METAP1: variants seen among roughly 807,000 people sequenced by gnomAD.
METAP1 encodes methionine aminopeptidase 1.
Under a neutral mutation model 53.8 loss-of-function variants are expected in METAP1, and 28 were observed. That is an observed-to-expected ratio of 0.52 (90% confidence interval 0.39 to 0.71). The LOEUF is 0.71. METAP1 is among the 30% of genes least tolerant of loss of function. METAP1 has a pLI of 0.00. For missense variants in METAP1, 389 were observed against 479.8 expected (o/e 0.81, Z 1.77); for synonymous variants, 181 against 165.7 (o/e 1.09, Z -0.71).
intron 1 of METAP1, among the ~76,000 whole-genome samples, chr4:99,006,236 G>A (rs979156122): frequency 6.6e-6 from 1 of 152,138 alleles, no homozygotes; most frequent in Non-Finnish European, 1.5e-5. Flanking sequence ...TAGACAAGAA[G>A]TACTGGAAAA....
intron 1 of METAP1, among the ~76,000 whole-genome samples, chr4:99,014,661 G>A (rs1451042371): frequency 6.6e-6 from 1 of 152,130 alleles, no homozygotes; most frequent in Non-Finnish European, 1.5e-5. Flanking sequence ...TGTGTTGGTG[G>A]TGGGGTGTTT....
At chr4:99,048,378 T>C (rs77461346) in intron 8 of METAP1, among the ~76,000 whole-genome samples, 1 of 152,146 alleles carries the variant, frequency 6.6e-6, no homozygotes, top group African/African-American at 2.4e-5. Flanking sequence ...CTTTTTTTTT[T>C]TCTTTTTCTA....
intron 9 of METAP1, among the ~76,000 whole-genome samples, chr4:99,055,010 A>T (rs182234599): frequency 1.4e-4 from 21 of 152,328 alleles, no homozygotes; most frequent in Admixed American, 7.8e-4. Flanking sequence ...ACACAGAGAC[A>T]TGAAGTGAAC....
At chr4:99,020,418 C>T (rs1242921347) in intron 1 of METAP1, among the ~76,000 whole-genome samples, 1 of 152,154 alleles carries the variant, frequency 6.6e-6, no homozygotes, top group African/African-American at 2.4e-5. Context: ...AATATCCCTT[C>T]TACATTGTTC....
chr4:99,041,654 ATAAG>A (rs1725878336), intron 6 of METAP1, among the ~76,000 whole-genome samples: 1 of 152,052 alleles, frequency 6.6e-6, no homozygotes, highest in African/African-American at 2.4e-5. Context: ...AAAAAGAGTG[ATAAG>A]TAGTTAATAT....
At chr4:99,010,251 C>T (rs1361169758) in intron 1 of METAP1, among the ~76,000 whole-genome samples, 1 of 152,082 alleles carries the variant, frequency 6.6e-6, no homozygotes, top group Non-Finnish European at 1.5e-5. Context: ...CCCAGGAATT[C>T]GAAACCAGTT....
intron 4 of METAP1, chr4:99,036,024 G>C (rs1725397861): frequency 6.5e-6 from 1 of 154,466 alleles, no homozygotes; most frequent in Middle Eastern, 5.2e-4. Context: ...AGGTTCTGTT[G>C]TCTTCTCCAT....
rs74571890 is a variant in METAP1, at chr4:98,996,805, C to T, written c.114+938C>T. Among the ~76,000 whole-genome samples, 410 of 152,254 alleles carry T rather than the reference C, an allele frequency of 2.7e-3. 4 individuals carry two copies. The highest frequency in any genetic ancestry group is 9.3e-3 in the African/African-American group (388 of 41,542). ...AATAGTATGGCTCTTAGTTACAGTCCAGGTTTAGTGAAGAGAGGCACATGA... is the reference window on the plus strand; with the variant it reads ...AATAGTATGGCTCTTAGTTACAGTCTAGGTTTAGTGAAGAGAGGCACATGA... On this transcript the variant is annotated intron_variant, in intron 1 of 10. Transcript: ENST00000296411.
At chr4:99,009,853 G>A (rs1483150989) in intron 1 of METAP1, among the ~76,000 whole-genome samples, 1 of 152,128 alleles carries the variant, frequency 6.6e-6, no homozygotes, top group African/African-American at 2.4e-5. Context: ...GTCCTTTGAT[G>A]AACAAAAGTT....
chr4:99,002,329 A>T lies in METAP1; in HGVS notation c.114+6462A>T, dbSNP rs572219724. Among the ~76,000 whole-genome samples, 4 of 152,338 alleles carry T rather than the reference A, an allele frequency of 2.6e-5. No individual in the cohort carries two copies. In the South Asian group the frequency reaches 8.3e-4, roughly 32 times the overall value. On this transcript the variant is annotated intron_variant, in intron 1 of 10. Coordinates refer to ENST00000296411, the MANE Select transcript of METAP1 (RefSeq NM_015143.3). ...GAAATACTTTATAAAGCAACCGTTG[A>T]GCTTCATTCTGTATCAAATGTTTAA...
intron 8 of METAP1, among the ~76,000 whole-genome samples, chr4:99,046,953 A>AAAAAAAAAAAAAAAAAAAG (rs1560730243): frequency 6.7e-6 from 1 of 149,036 alleles, no homozygotes; most frequent in Non-Finnish European, 1.5e-5. Context: ...AAAAAAAAAA[A>AAAAAAAAAAAAAAAAAAAG]AAAAAGAAAA....
At chr4:99,007,528 A>AT (rs1723233771) in intron 1 of METAP1, among the ~76,000 whole-genome samples, 1 of 148,604 alleles carries the variant, frequency 6.7e-6, no homozygotes, top group African/African-American at 2.5e-5. Context: ...GCAAATGGTG[A>AT]TTTTCTCCCT....
At chr4:99,029,446 A>G (rs994928361) in intron 2 of METAP1, among the ~76,000 whole-genome samples, 3 of 152,148 alleles carry the variant, frequency 2.0e-5, no homozygotes, top group Non-Finnish European at 4.4e-5. Flanking sequence ...CTCCTTAGCT[A>G]TTACTGTCAG....
chr4:99,048,490 C>T (rs1186360406), intron 8 of METAP1, among the ~76,000 whole-genome samples: 1 of 152,154 alleles, frequency 6.6e-6, no homozygotes, highest in South Asian at 2.1e-4. Flanking sequence ...AGCACAGCCT[C>T]CCAAATGTAG....
At chr4:99,029,712 GTCTTATATTCA>G (rs1724854666) in intron 2 of METAP1, among the ~76,000 whole-genome samples, 1 of 151,904 alleles carries the variant, frequency 6.6e-6, no homozygotes, top group African/African-American at 2.4e-5. Context: ...TGATCTTGGT[GTCTTATATTCA>G]TCTACTTGTG....
At chr4:99,010,842 C>T (rs1723432150) in intron 1 of METAP1, among the ~76,000 whole-genome samples, 1 of 152,134 alleles carries the variant, frequency 6.6e-6, no homozygotes, top group South Asian at 2.1e-4. Context: ...TTGCTTTTGG[C>T]AACGTGTTGT....
intron 1 of METAP1, among the ~76,000 whole-genome samples, chr4:99,010,616 C>T (rs1406974614): frequency 1.3e-5 from 2 of 152,148 alleles, no homozygotes; most frequent in Non-Finnish European, 2.9e-5. Flanking sequence ...TGTGAGTCTT[C>T]CAAATTTGCT....
intron 6 of METAP1, among the ~76,000 whole-genome samples, chr4:99,042,523 G>T (rs1184585962): frequency 6.6e-6 from 1 of 151,968 alleles, no homozygotes; most frequent in African/African-American, 2.4e-5. Context: ...TCTGTTAGGA[G>T]TTCTTTTGTT....
intron 1 of METAP1, chr4:99,023,598 A>G (rs1724310965): frequency 1.0e-6 from 1 of 985,272 alleles, no homozygotes; most frequent in Admixed American, 6.1e-5. Flanking sequence ...AGGACACATT[A>G]TGGGTGGTCA....
Sources: gnomAD v4.1 joint callset for allele counts (sites outside exome capture counted in the v4.1 genomes callset) on GRCh38, gnomAD v4.1.1 for gene constraint, MANE v1.5 for transcripts, NCBI Gene and HGNC (gene_info 2026-07-23, HGNC 2026-07-21) for gene names.